Variants in SLC9C1 observed in about 807,000 individuals in gnomAD.
SLC9C1 encodes the protein sodium/hydrogen exchanger 10.
SLC9C1 carries 97 observed loss-of-function variants against 140.9 expected under a neutral mutation model. That is an observed-to-expected ratio of 0.69 (90% CI 0.58 to 0.82). The LOEUF is 0.82. Among genes scored for constraint, SLC9C1 ranks in the 40% least tolerant of loss-of-function variants. The pLI, the probability that SLC9C1 is intolerant of heterozygous loss-of-function variation, is 0.00. For synonymous variants in SLC9C1, 440 were observed against 442.6 expected, an observed-to-expected ratio of 0.99 and a Z score of 0.07; for missense variants, 1,340 against 1,389.3, an observed-to-expected ratio of 0.96 and a Z score of 0.56.
At chr3:112,232,806 G>C (rs2108177522) in intron 12 of SLC9C1, among the ~76,000 whole-genome samples, 1 of 152,122 alleles carries the variant, frequency 6.6e-6, no homozygotes, top group Non-Finnish European at 1.5e-5. Context: ...AAAAGAATGA[G>C]TCTGACTGCA....
chr3:112,231,136 CTTTTT>C (rs1560098890), intron 13 of SLC9C1, among the ~76,000 whole-genome samples: 2 of 148,492 alleles, frequency 1.3e-5, no homozygotes, highest in Non-Finnish European at 1.5e-5. Flanking sequence ...CTCTCTCTCT[CTTTTT>C]CTCCCTTTCT....
chr3:112,228,056 T>C (rs1329801072), intron 13 of SLC9C1, among the ~76,000 whole-genome samples: 3 of 152,046 alleles, frequency 2.0e-5, no homozygotes, highest in African/African-American at 7.2e-5. Context: ...CTAAAATTTG[T>C]ATGGAACCTC....
In SLC9C1 at chr3:112,264,314, A is replaced by G; in HGVS notation, c.908T>C (p.Phe303Ser). The G allele has an allele frequency of 1.4e-6, 2 of 1,474,696 alleles. No homozygotes were observed. The highest frequency in any genetic ancestry group is 1.8e-6 in the Non-Finnish European group (2 of 1,113,132). The allele number at this position is 1,474,696 out of a possible 1,614,324, so 91.4% of individuals were successfully genotyped here. ...TCCAAAGAAAGTAAACACCATGAGA[A>G]AAGCAATACGTGATAGAAAAGTCCA... Reference protein sequence around the residue: ...EFWTFLSRIAFLMVFTFFGLL... With the variant: ...EFWTFLSRIASLMVFTFFGLL... Residue 303 changes from phenylalanine (F) to serine (S), a missense_variant, in exon 9 of 29, where the codon TTT (phenylalanine) becomes TCT (serine). Coordinates refer to ENST00000305815, the MANE Select transcript of SLC9C1 (RefSeq NM_183061.3).
chr3:112,199,598 C>A, intron 19 of SLC9C1, 129 bp from the exon 20 acceptor site: 1 of 587,480 alleles, frequency 1.7e-6, no homozygotes, highest in Non-Finnish European at 2.7e-6. Flanking sequence ...TGTATCTCTT[C>A]CTGAAGGGGC....
chr3:112,240,039 GA>G, intron 11 of SLC9C1, 33 bp from the exon 12 acceptor site: 1 of 1,557,954 alleles, frequency 6.4e-7, no homozygotes, highest in Non-Finnish European at 8.7e-7. Context: ...ATAAATAGTA[GA>G]AACACCACAA....
intron 26 of SLC9C1, among the ~76,000 whole-genome samples, chr3:112,164,601 C>T (rs1280691165): frequency 6.6e-6 from 1 of 150,600 alleles, no homozygotes; most frequent in Non-Finnish European, 1.5e-5. Context: ...AATATTGGCC[C>T]CCACTCTCTT....
chr3:112,245,461 C>T (rs2079256010), intron 10 of SLC9C1, among the ~76,000 whole-genome samples: 1 of 150,788 alleles, frequency 6.6e-6, no homozygotes, highest in Non-Finnish European at 1.5e-5. Flanking sequence ...TCCAGTAGTT[C>T]AGCACCATTT....
At chr3:112,248,503 T>C (rs1164673786) in intron 10 of SLC9C1, among the ~76,000 whole-genome samples, 2 of 152,212 alleles carry the variant, frequency 1.3e-5, no homozygotes, top group African/African-American at 2.4e-5. Context: ...TTGATGCCAT[T>C]ATTATGTTCT....
chr3:112,160,515 C>T (rs142059407), intron 26 of SLC9C1, among the ~76,000 whole-genome samples: 15,691 of 149,140 alleles, frequency 0.11, 870 homozygotes, highest in East Asian at 0.2. Context: ...TGAGAGTATG[C>T]GGTGTTTGGT....
chr3:112,201,871 G>A (rs2077915375), intron 18 of SLC9C1, among the ~76,000 whole-genome samples: 1 of 151,914 alleles, frequency 6.6e-6, no homozygotes, highest in Admixed American at 6.6e-5. Context: ...AGAAGCTTTT[G>A]GGCATTATGA....
At chr3:112,164,767 T>G (rs200173985) in intron 26 of SLC9C1, among the ~76,000 whole-genome samples, 3 of 148,514 alleles carry the variant, frequency 2.0e-5, no homozygotes, top group Non-Finnish European at 4.6e-5. Context: ...TTGCTCTTCT[T>G]GAGGAGTATC....
chr3:112,187,091 G>A (rs2077554720), intron 20 of SLC9C1, among the ~76,000 whole-genome samples: 2 of 152,130 alleles, frequency 1.3e-5, no homozygotes, highest in South Asian at 4.2e-4. Flanking sequence ...TTATGTTTAA[G>A]AGCCTGAGTT....
intron 20 of SLC9C1, among the ~76,000 whole-genome samples, chr3:112,195,357 C>G (rs1337030485): frequency 6.6e-6 from 1 of 152,044 alleles, no homozygotes; most frequent in Non-Finnish European, 1.5e-5. Flanking sequence ...TCCAGTTTCT[C>G]AAAGAAAAAG....
At chr3:112,245,541 T>G (rs1316975718) in intron 10 of SLC9C1, among the ~76,000 whole-genome samples, 1 of 152,028 alleles carries the variant, frequency 6.6e-6, no homozygotes, top group Middle Eastern at 3.2e-3. Flanking sequence ...TCACCATATA[T>G]GTGAGTCTTT....
In SLC9C1 at chr3:112,263,041, A is replaced by G. The variant is rs143138818; in HGVS notation, c.1080T>C (p.Ser360=). 1,664 of 1,602,322 alleles carry G rather than the reference A, an allele frequency of 1.0e-3. No individual in the cohort carries two copies. The highest frequency in any genetic ancestry group is 1.3e-3 in the Non-Finnish European group (1,569 of 1,175,046). ...PVLSRVGHEF[S]WRWIFIMVCS... is the part of the protein sequence containing the mutation. ...AGACCATTATGAATATCCAGCGCCA[A>G]CTGAACTCATGACCAACTCGAGACA... The change falls in exon 10 of 29, where the codon AGT becomes AGC. Residue 360 remains serine, a synonymous_variant. Transcript: ENST00000305815.
intron 6 of SLC9C1, among the ~76,000 whole-genome samples, chr3:112,271,393 G>GTA (rs57918598): frequency 0.025 from 3,139 of 125,548 alleles, 174 homozygotes; most frequent in African/African-American, 0.07. Flanking sequence ...ATTCTACATT[G>GTA]TATATATATA....
intron 2 of SLC9C1, among the ~76,000 whole-genome samples, chr3:112,285,988 T>G (rs2080496969): frequency 6.6e-6 from 1 of 152,182 alleles, no homozygotes; most frequent in South Asian, 2.1e-4. Context: ...GGTCTTGAAC[T>G]GCTGGACTCA....
chr3:112,168,809 T>G, intron 25 of SLC9C1, 68 bp downstream of exon 25: 1 of 1,369,812 alleles, frequency 7.3e-7, no homozygotes, highest in African/African-American at 1.5e-5. Context: ...GTGACAGTTT[T>G]TCTGACGTTA....
intron 19 of SLC9C1, 77 bp downstream of exon 19, chr3:112,200,634 G>A (rs894164929): frequency 1.5e-6 from 2 of 1,334,420 alleles, no homozygotes; most frequent in Middle Eastern, 1.8e-4. Context: ...AGATTAGCTC[G>A]AGTTATGAAA....
Sources: allele counts gnomAD v4.1 joint callset (sites outside exome capture counted in the v4.1 genomes callset), GRCh38; gene constraint gnomAD v4.1.1; transcripts MANE v1.5; gene names NCBI Gene and HGNC (gene_info 2026-07-23, HGNC 2026-07-21).